The following OPCML variants were observed in gnomAD, a reference collection of about 807,000 sequenced individuals.
The protein encoded by OPCML is opioid binding protein/cell adhesion molecule like, also known as opioid-binding protein/cell adhesion molecule.
A neutral mutation model predicts 37.8 loss-of-function variants in OPCML; 13 were observed. That is an observed-to-expected ratio of 0.34 (90% CI 0.22 to 0.55). The LOEUF is 0.55. OPCML is among the 20% of genes least tolerant of loss of function. The probability of loss-of-function intolerance (pLI) is 0.91; values close to 1 mark genes in which losing one functional copy is unlikely to be tolerated. For missense variants in OPCML, 341 were observed against 435.6 expected, an observed-to-expected ratio of 0.78 and a Z score of 1.93; for synonymous variants, 176 against 168.8, an observed-to-expected ratio of 1.04 and a Z score of -0.33.
At chr11:132,953,818 G>T (rs1945916212) in intron 1 of OPCML, among the ~76,000 whole-genome samples, 1 of 152,152 alleles carries the variant, frequency 6.6e-6, no homozygotes, top group African/African-American at 2.4e-5. Context: ...CTGAGCCCAG[G>T]ATTCCTCCTT....
chr11:133,453,171 A>C (rs1946611815), intron 1 of OPCML, among the ~76,000 whole-genome samples: 1 of 152,254 alleles, frequency 6.6e-6, no homozygotes, highest in Admixed American at 6.5e-5. Context: ...ACCAGATTTC[A>C]GCAATGTTTG....
chr11:133,261,631 A>G (rs181988527), intron 1 of OPCML, among the ~76,000 whole-genome samples: 19 of 152,276 alleles, frequency 1.2e-4, no homozygotes, highest in African/African-American at 4.6e-4. Flanking sequence ...GGCTCTCACC[A>G]TTTTTGTTCG....
chr11:133,055,796 C>T (rs12292250), intron 1 of OPCML, among the ~76,000 whole-genome samples: 24,991 of 148,484 alleles, frequency 0.17, 1,557 homozygotes, highest in African/African-American at 0.27. Flanking sequence ...CTGTACAATG[C>T]TGCCTCCATG....
intron 3 of OPCML, among the ~76,000 whole-genome samples, chr11:132,606,636 C>T (rs1057361940): frequency 6.6e-6 from 1 of 151,458 alleles, no homozygotes; most frequent in African/African-American, 2.4e-5. Flanking sequence ...GGACCAGCCT[C>T]CAAGCCTCTC....
chr11:132,674,061 T>C (rs935446701), intron 2 of OPCML, among the ~76,000 whole-genome samples: 4 of 152,122 alleles, frequency 2.6e-5, no homozygotes, highest in Admixed American at 2.6e-4. Context: ...CTTCAAAGTG[T>C]TTAGATAAAG....
At chr11:133,207,132 A>AAG (rs1939104706) in intron 1 of OPCML, among the ~76,000 whole-genome samples, 1 of 151,182 alleles carries the variant, frequency 6.6e-6, no homozygotes, top group African/African-American at 2.4e-5. Context: ...AAAAAAAAAA[A>AAG]AAAAAAAAAT....
chr11:132,622,053 A>G (rs1939441457), intron 3 of OPCML, among the ~76,000 whole-genome samples: 1 of 152,202 alleles, frequency 6.6e-6, no homozygotes, highest in South Asian at 2.1e-4. Context: ...AAAAGAGAGA[A>G]CAAACATTTA....
intron 1 of OPCML, among the ~76,000 whole-genome samples, chr11:133,523,371 G>C (rs1948431509): frequency 6.6e-6 from 1 of 152,122 alleles, no homozygotes; most frequent in Non-Finnish European, 1.5e-5. Flanking sequence ...GGGAGACTTA[G>C]ATTTCAGTTC....
chr11:133,093,904 A>G (rs779584810), intron 1 of OPCML, among the ~76,000 whole-genome samples: 6 of 152,194 alleles, frequency 3.9e-5, no homozygotes, highest in Non-Finnish European at 7.3e-5. Flanking sequence ...ATAAATCTTA[A>G]TTTTAATCTT....
At chr11:133,069,718 G>A (rs1229081959) in intron 1 of OPCML, among the ~76,000 whole-genome samples, 1 of 152,214 alleles carries the variant, frequency 6.6e-6, no homozygotes, top group East Asian at 1.9e-4. Flanking sequence ...TCCTGGGCGT[G>A]TTTCTGCAAG....
intron 1 of OPCML, chr11:133,006,213 C>T: frequency 1.4e-6 from 1 of 735,214 alleles, no homozygotes; most frequent in Non-Finnish European, 1.7e-6. Flanking sequence ...GAGCCTGGCC[C>T]CTCGTCTTCC....
At chr11:133,388,223 G>C (rs1339918005) in intron 1 of OPCML, among the ~76,000 whole-genome samples, 7 of 152,136 alleles carry the variant, frequency 4.6e-5, no homozygotes, top group Non-Finnish European at 8.8e-5. Flanking sequence ...ATCATGATAT[G>C]CTAACAATGG....
At chr11:132,844,367 A>C (rs530424876) in intron 2 of OPCML, among the ~76,000 whole-genome samples, 2 of 152,306 alleles carry the variant, frequency 1.3e-5, no homozygotes, top group Admixed American at 1.3e-4. Flanking sequence ...CATTTGGAAG[A>C]AGTAGAGTGA....
intron 4 of OPCML, among the ~76,000 whole-genome samples, chr11:132,489,308 C>A (rs1326483289): frequency 1.3e-5 from 2 of 152,130 alleles, no homozygotes; most frequent in Non-Finnish European, 2.9e-5. Context: ...CCTGTGATAA[C>A]AATGCCTTCT....
At chr11:132,653,892 T>C (rs1355574822) in intron 3 of OPCML, among the ~76,000 whole-genome samples, 1 of 152,152 alleles carries the variant, frequency 6.6e-6, no homozygotes, top group Non-Finnish European at 1.5e-5. Context: ...AGCTCGGAAA[T>C]TTTTCTGTTT....
chr11:133,198,031 G>A (rs1938608071), intron 1 of OPCML, among the ~76,000 whole-genome samples: 1 of 152,168 alleles, frequency 6.6e-6, no homozygotes, highest in South Asian at 2.1e-4. Context: ...TCCTTCCCCT[G>A]TGTAAGGTCC....
intron 2 of OPCML, among the ~76,000 whole-genome samples, chr11:132,844,156 G>A (rs898891370): frequency 2.0e-5 from 3 of 152,168 alleles, no homozygotes; most frequent in Non-Finnish European, 4.4e-5. Context: ...TGCCATGATT[G>A]TGAGGCTTCC....
At chr11:132,969,619 T>C (rs1343343274) in intron 1 of OPCML, among the ~76,000 whole-genome samples, 1 of 152,218 alleles carries the variant, frequency 6.6e-6, no homozygotes, top group Non-Finnish European at 1.5e-5. Context: ...CTTTTTTCTC[T>C]GTTTTTCTGA....
chr11:133,130,629 T>C (rs922719115), intron 1 of OPCML, among the ~76,000 whole-genome samples: 1 of 152,010 alleles, frequency 6.6e-6, no homozygotes, highest in Non-Finnish European at 1.5e-5. Flanking sequence ...GACCCCCAAA[T>C]AACCAATACA....
Sources: allele counts gnomAD v4.1 joint callset (sites outside exome capture counted in the v4.1 genomes callset), GRCh38; gene constraint gnomAD v4.1.1; transcripts MANE v1.5; gene names NCBI Gene and HGNC (gene_info 2026-07-23, HGNC 2026-07-21).